The following INTS14 variants were observed in gnomAD, a reference collection of about 807,000 sequenced individuals.
INTS14 encodes integrator complex subunit 14, also known as UPF0464 protein C15orf44.
A neutral mutation model predicts 56.9 loss-of-function variants in INTS14; 27 were observed. The observed-to-expected ratio is 0.47, with a 90% CI of 0.35 to 0.65. INTS14 has a LOEUF of 0.65. Among genes scored for constraint, INTS14 ranks in the 30% least tolerant of loss-of-function variants. The pLI, the probability that INTS14 is intolerant of heterozygous loss-of-function variation, is 0.00. For missense variants in INTS14, 517 were observed against 632.2 expected (o/e 0.82, Z 1.95); for synonymous variants, 207 against 236.2 (o/e 0.88, Z 1.13).
intron 3 of INTS14, among the ~76,000 whole-genome samples, chr15:65,603,365 T>G (rs956414142): frequency 1.3e-5 from 2 of 152,226 alleles, no homozygotes. Context: ...GACAGTTGTA[T>G]TCAGTCGTGT....
chr15:65,605,753 GCTC>G (rs1255949934), intron 2 of INTS14, among the ~76,000 whole-genome samples: 1 of 152,114 alleles, frequency 6.6e-6, no homozygotes, highest in Admixed American at 6.5e-5. Context: ...TGACTTCAGG[GCTC>G]CTGGTCTAAA....
chr15:65,609,335 A>G (rs2073773317), intron 1 of INTS14, among the ~76,000 whole-genome samples: 1 of 152,140 alleles, frequency 6.6e-6, no homozygotes, highest in Admixed American at 6.5e-5. Flanking sequence ...GGTTGTAAGC[A>G]TAGGCGTAAA....
chr15:65,594,156 A>G (rs1320677180), intron 7 of INTS14, among the ~76,000 whole-genome samples: 1 of 152,208 alleles, frequency 6.6e-6, no homozygotes, highest in Non-Finnish European at 1.5e-5. Context: ...CAGCACATGC[A>G]TGTGAGTCCC....
intron 6 of INTS14, among the ~76,000 whole-genome samples, chr15:65,598,035 T>A (rs974153011): frequency 2.0e-5 from 3 of 152,198 alleles, no homozygotes; most frequent in Non-Finnish European, 4.4e-5. Flanking sequence ...CTATTACACA[T>A]GCACGAAGCT....
rs2073035552 is a variant in INTS14 at position 65,591,640 on chromosome 15, G to T, written c.1078C>A (p.Leu360Ile). The change falls in exon 9 of 12, where the codon CTC (leucine) becomes ATC (isoleucine). Residue 360 changes from leucine (L) to isoleucine (I), a missense_variant. Leu to Ile is a conservative substitution (Grantham distance 5). Transcript: ENST00000313182. ...MSLFEPGPEP[L>I]PWLGKMAQLG... ...TGTGCCATTTTCCCTAGCCATGGGAGAGGTTCTGGGCCAGGCTCAAAGAGA... is the reference window on the plus strand; with the variant it reads ...TGTGCCATTTTCCCTAGCCATGGGATAGGTTCTGGGCCAGGCTCAAAGAGA... 1 of 1,614,174 alleles carries T rather than the reference G, an allele frequency of 6.2e-7. No individual in the cohort carries two copies. Among genetic ancestry groups the T allele is most frequent in the Non-Finnish European group, 8.5e-7 (1 of 1,180,012 alleles).
intron 7 of INTS14, among the ~76,000 whole-genome samples, chr15:65,595,392 A>G (rs1044537537): frequency 6.6e-6 from 1 of 152,210 alleles, no homozygotes; most frequent in African/African-American, 2.4e-5. Flanking sequence ...TGACTTGCAC[A>G]TTTATCAAGT....
intron 9 of INTS14, 93 bp from the exon 10 acceptor site, chr15:65,584,981 TTTGATA>T (rs1300252353): frequency 6.9e-6 from 7 of 1,010,310 alleles, no homozygotes; most frequent in Non-Finnish European, 1.0e-5. Flanking sequence ...TCACTCAATC[TTTGATA>T]TCCTATCACT....
chr15:65,594,170 A>T (rs1171301036), intron 7 of INTS14, among the ~76,000 whole-genome samples: 1 of 152,332 alleles, frequency 6.6e-6, no homozygotes, highest in African/African-American at 2.4e-5. Context: ...GAGTCCCCAA[A>T]GGTAAACAAT....
intron 10 of INTS14, among the ~76,000 whole-genome samples, chr15:65,584,105 GAGAAATGT>G (rs1209666982): frequency 6.6e-6 from 1 of 152,174 alleles, no homozygotes; most frequent in African/African-American, 2.4e-5. Flanking sequence ...CTGATGAAAG[GAGAAATGT>G]TCCTGAATAC....
chr15:65,607,413 T>C lies in INTS14; in HGVS notation c.-33A>G, dbSNP rs780885570. ...ATGATCCCAGTGTTCCCAATCAGAA[T>C]GCAAACAGACAGCTATAAACGAAGA... On this transcript the variant is annotated 5_prime_UTR_variant, in exon 2 of 12. Transcript: ENST00000313182. 3 of 1,612,944 alleles carry C rather than the reference T, an allele frequency of 1.9e-6. No individual in the cohort carries two copies. Among genetic ancestry groups the C allele is most frequent in the Admixed American group, 1.7e-5 (1 of 59,888 alleles).
intron 9 of INTS14, among the ~76,000 whole-genome samples, chr15:65,588,671 TAA>T (rs200163620): frequency 7.8e-5 from 11 of 140,924 alleles, no homozygotes; most frequent in Non-Finnish European, 7.8e-5. Flanking sequence ...CTGTCTCAAT[TAA>T]AAAAAAAAAA....
At chr15:65,580,014 C>G (rs565165112) in intron 11 of INTS14, among the ~76,000 whole-genome samples, 163 of 152,298 alleles carry the variant, frequency 1.1e-3, no homozygotes, top group Non-Finnish European at 2.0e-3. Context: ...ATGGAAAAGA[C>G]TTGCCCTCAA....
Position 65,579,164 on chromosome 15 carries a change from T to C in INTS14, c.*244A>G. On this transcript the variant is annotated 3_prime_UTR_variant, in exon 12 of 12. Coordinates refer to ENST00000313182, the MANE Select transcript of INTS14 (RefSeq NM_001394796.1). ...AGCTTCTCAGGAAATGTGCCCATCA[T>C]GGGAACAGCAGCTATCTTCCAAGCT... 1 of 472,108 alleles carries C rather than the reference T, an allele frequency of 2.1e-6. No homozygotes were observed. The highest frequency in any genetic ancestry group is 3.7e-6 in the Non-Finnish European group (1 of 268,492). The allele number at this position is 472,108 out of a possible 1,614,324, so 29.2% of individuals were successfully genotyped here.
Position 65,595,886 on chromosome 15 carries a change from T to G in INTS14, c.749-61A>C. On this transcript the variant is annotated intron_variant, in intron 6 of 11. Coordinates refer to ENST00000313182, the MANE Select transcript of INTS14 (RefSeq NM_001394796.1). ...CTATGGAAAAGTACATTATTTTCCA[T>G]GTATTACATTTCACAAATGCACTGT... 1.1e-5 allele frequency: 14 copies of G among 1,326,754 alleles called. No individual in the cohort carries two copies. The South Asian group carries it at 1.8e-4, about 18-fold the overall frequency. The allele number at this position is 1,326,754 out of a possible 1,614,324, so 82.2% of individuals were successfully genotyped here. A position where few individuals can be genotyped will look rare whatever the true frequency, so the allele number is the denominator to read the frequency against.
intron 6 of INTS14, among the ~76,000 whole-genome samples, chr15:65,596,440 A>G (rs2073215211): frequency 6.6e-6 from 1 of 152,178 alleles, no homozygotes; most frequent in African/African-American, 2.4e-5. Context: ...AGAAAAAGTC[A>G]CTCATTATTC....
At chr15:65,596,555 G>C (rs1199926248) in intron 6 of INTS14, among the ~76,000 whole-genome samples, 1 of 151,958 alleles carries the variant, frequency 6.6e-6, no homozygotes, top group Non-Finnish European at 1.5e-5. Context: ...TCAGAATCAT[G>C]GTGAACACCT....
At chr15:65,588,175 G>T (rs1249764925) in intron 9 of INTS14, among the ~76,000 whole-genome samples, 2 of 151,938 alleles carry the variant, frequency 1.3e-5, no homozygotes, top group African/African-American at 4.8e-5. Flanking sequence ...TGCAGTTCCA[G>T]CTACTGGGGA....
intron 11 of INTS14, among the ~76,000 whole-genome samples, chr15:65,580,177 C>T (rs1297163231): frequency 6.6e-6 from 1 of 152,038 alleles, no homozygotes; most frequent in African/African-American, 2.4e-5. Flanking sequence ...ATATGAAGTG[C>T]CCCAACAACC....
At chr15:65,586,939 A>G (rs1191738632) in intron 9 of INTS14, 9 of 152,220 alleles carry the variant, frequency 5.9e-5, no homozygotes, top group Non-Finnish European at 1.3e-4. Context: ...ACATTCTGAA[A>G]TTCAGAATAC....
Sources: gnomAD v4.1 joint callset for allele counts (sites outside exome capture counted in the v4.1 genomes callset) on GRCh38, gnomAD v4.1.1 for gene constraint, MANE v1.5 for transcripts, NCBI Gene and HGNC (gene_info 2026-07-23, HGNC 2026-07-21) for gene names.